Variants in PTPRT observed in about 807,000 individuals in gnomAD.
The protein encoded by PTPRT is receptor-type tyrosine-protein phosphatase T.
Under a neutral mutation model 176.8 loss-of-function variants are expected in PTPRT, and 56 were observed. The ratio of observed to expected loss-of-function variants is 0.32; its 90% CI spans 0.26 to 0.40. The LOEUF (loss-of-function observed/expected upper bound fraction) is 0.40. PTPRT is among the 10% of genes least tolerant of loss of function. The probability of loss-of-function intolerance (pLI) is 1.00; values close to 1 mark genes in which losing one functional copy is unlikely to be tolerated. For missense variants in PTPRT, 1,540 were observed against 1,908.2 expected, an observed-to-expected ratio of 0.81 and a Z score of 3.60; for synonymous variants, 783 against 739.0, an observed-to-expected ratio of 1.06 and a Z score of -0.96.
At chr20:42,220,037 TTA>T (rs71335848) in intron 15 of PTPRT, among the ~76,000 whole-genome samples, 4 of 116,674 alleles carry the variant, frequency 3.4e-5, no homozygotes, top group East Asian at 4.3e-4. Context: ...TTTAAAAAAG[TTA>T]TATATATATA....
At chr20:43,046,335 G>A (rs2425565) in intron 1 of PTPRT, among the ~76,000 whole-genome samples, 44,886 of 151,786 alleles carry the variant, frequency 0.3, 8,726 homozygotes, top group African/African-American at 0.54. Context: ...ACTTTGGGAG[G>A]CTGAGGCAGG....
chr20:42,122,668 T>G (rs888386920), intron 19 of PTPRT, among the ~76,000 whole-genome samples: 13 of 152,356 alleles, frequency 8.5e-5, no homozygotes, highest in African/African-American at 2.9e-4. Flanking sequence ...AACCACTAGC[T>G]GGCTTCCCTG....
At chr20:42,173,565 A>G (rs893899264) in intron 16 of PTPRT, among the ~76,000 whole-genome samples, 8 of 152,218 alleles carry the variant, frequency 5.3e-5, no homozygotes, top group African/African-American at 1.9e-4. Flanking sequence ...AGTGTTCCAC[A>G]GCATAGGTTG....
At chr20:43,161,591 C>T (rs1368955392) in intron 1 of PTPRT, among the ~76,000 whole-genome samples, 1 of 152,158 alleles carries the variant, frequency 6.6e-6, no homozygotes, top group African/African-American at 2.4e-5. Flanking sequence ...ACACTCAACC[C>T]AGACGCTCCA....
At chr20:42,758,733 G>A (rs900588073) in intron 5 of PTPRT, among the ~76,000 whole-genome samples, 4 of 152,140 alleles carry the variant, frequency 2.6e-5, no homozygotes, top group Non-Finnish European at 5.9e-5. Flanking sequence ...ACATGCATGG[G>A]GCTGTAAGAG....
intron 13 of PTPRT, among the ~76,000 whole-genome samples, chr20:42,260,784 A>G (rs953933068): frequency 8.5e-5 from 13 of 152,224 alleles, no homozygotes; most frequent in Non-Finnish European, 1.5e-4. Context: ...TGCTGAGACT[A>G]TTCAAAGGGA....
intron 1 of PTPRT, among the ~76,000 whole-genome samples, chr20:43,036,776 T>C (rs1986397565): frequency 6.6e-6 from 1 of 152,180 alleles, no homozygotes; most frequent in South Asian, 2.1e-4. Context: ...CATTTAAGAC[T>C]TTCAGGTTGC....
intron 1 of PTPRT, among the ~76,000 whole-genome samples, chr20:43,022,941 G>A (rs922438535): frequency 6.6e-6 from 1 of 152,180 alleles, no homozygotes; most frequent in African/African-American, 2.4e-5. Flanking sequence ...ACTCCCAGAT[G>A]CCTGAGGACA....
intron 7 of PTPRT, among the ~76,000 whole-genome samples, chr20:42,498,406 A>G (rs1224906384): frequency 1.3e-5 from 2 of 152,278 alleles, no homozygotes; most frequent in Non-Finnish European, 2.9e-5. Context: ...AGGACTGACA[A>G]AACAGACTCT....
chr20:42,817,923 C>A (rs1336389651), intron 2 of PTPRT, among the ~76,000 whole-genome samples: 1 of 152,216 alleles, frequency 6.6e-6, no homozygotes, highest in Non-Finnish European at 1.5e-5. Flanking sequence ...TAGGGACCAG[C>A]AGACTTAGTC....
At chr20:43,088,365 TG>T (rs2011691902) in intron 1 of PTPRT, among the ~76,000 whole-genome samples, 1 of 151,234 alleles carries the variant, frequency 6.6e-6, no homozygotes. Flanking sequence ...TGTGTGTGTG[TG>T]TGTGTGTGTG....
chr20:42,059,417 G>A, the PTPRT span, among the ~76,000 whole-genome samples: 1 of 152,198 alleles, frequency 6.6e-6, no homozygotes, highest in Non-Finnish European at 1.5e-5. Flanking sequence ...TTCTGCCTAA[G>A]GGAAAAGGTG....
chr20:42,881,748 A>AAAAG (rs2079015135), intron 2 of PTPRT, among the ~76,000 whole-genome samples: 1 of 148,328 alleles, frequency 6.7e-6, no homozygotes, highest in African/African-American at 2.5e-5. Flanking sequence ...AAAAAAAAAA[A>AAAAG]AGAGAGAGAG....
At chr20:42,577,530 C>A (rs529422514) in intron 7 of PTPRT, among the ~76,000 whole-genome samples, 1 of 152,298 alleles carries the variant, frequency 6.6e-6, no homozygotes, top group Non-Finnish European at 1.5e-5. Flanking sequence ...TAAGATGATA[C>A]TGCAGACTGG....
intron 7 of PTPRT, among the ~76,000 whole-genome samples, chr20:42,667,500 T>C (rs901182511): frequency 6.6e-6 from 1 of 152,222 alleles, no homozygotes; most frequent in Non-Finnish European, 1.5e-5. Flanking sequence ...GTAAGAGTGA[T>C]TGAACTCTAA....
At chr20:42,606,298 G>A (rs1423930130) in intron 7 of PTPRT, among the ~76,000 whole-genome samples, 2 of 152,156 alleles carry the variant, frequency 1.3e-5, no homozygotes, top group Non-Finnish European at 2.9e-5. Flanking sequence ...AGGCTGATGT[G>A]GTAGGGCCAG....
At chr20:42,956,834 G>T (rs1488570730) in intron 1 of PTPRT, among the ~76,000 whole-genome samples, 1 of 152,152 alleles carries the variant, frequency 6.6e-6, no homozygotes, top group African/African-American at 2.4e-5. Flanking sequence ...GAACAGGTGG[G>T]CCAAGTGAAT....
intron 13 of PTPRT, among the ~76,000 whole-genome samples, chr20:42,251,868 AGACAG>A (rs1297939934): frequency 1.3e-5 from 2 of 152,208 alleles, no homozygotes; most frequent in African/African-American, 4.8e-5. Context: ...AACCAAAGGA[AGACAG>A]GGCACCATTT....
intron 1 of PTPRT, among the ~76,000 whole-genome samples, chr20:42,890,592 G>A (rs953977523): frequency 1.6e-4 from 24 of 152,126 alleles, no homozygotes; most frequent in Admixed American, 1.5e-3. Context: ...CTGCCACTGA[G>A]AGCCACCAAG....
Sources: allele counts gnomAD v4.1 joint callset (sites outside exome capture counted in the v4.1 genomes callset), GRCh38; gene constraint gnomAD v4.1.1; transcripts MANE v1.5; gene names NCBI Gene and HGNC (gene_info 2026-07-23, HGNC 2026-07-21).